CDH18: variants seen among roughly 807,000 people sequenced by gnomAD.
CDH18 encodes cadherin 18, also known as cadherin-18.
In CDH18, 31 loss-of-function variants were observed where a neutral mutation model predicts 67.9. The ratio of observed to expected loss-of-function variants is 0.46; its 90% confidence interval spans 0.34 to 0.62. CDH18 has a LOEUF of 0.62. Ranked by LOEUF, CDH18 falls within the 20% of genes least tolerant of loss-of-function variation. The pLI, the probability that CDH18 is intolerant of heterozygous loss-of-function variation, is 0.01. For synonymous variants in CDH18, 362 were observed against 347.2 expected (o/e 1.04, Z -0.48); for missense variants, 890 against 975.5 (o/e 0.91, Z 1.17).
At chr5:20,169,178 T>C (rs374267430) in intron 2 of CDH18, among the ~76,000 whole-genome samples, 3 of 152,124 alleles carry the variant, frequency 2.0e-5, no homozygotes, top group Non-Finnish European at 4.4e-5. Context: ...CTTGAGGGGA[T>C]GGATACCCCA....
At chr5:19,490,365 T>C (rs953351192) in intron 11 of CDH18, among the ~76,000 whole-genome samples, 1 of 148,870 alleles carries the variant, frequency 6.7e-6, no homozygotes, top group East Asian at 2.0e-4. Context: ...GTTTTTTTTA[T>C]ATATGATATA....
intron 1 of CDH18, among the ~76,000 whole-genome samples, chr5:20,358,870 G>A (rs1157066686): frequency 2.0e-5 from 3 of 151,008 alleles, no homozygotes; most frequent in Non-Finnish European, 2.9e-5. Flanking sequence ...AAATATTCAA[G>A]AAATGTTTGC....
chr5:19,939,681 C>T (rs747009569), intron 2 of CDH18, among the ~76,000 whole-genome samples: 70 of 151,712 alleles, frequency 4.6e-4, no homozygotes, highest in Non-Finnish European at 9.3e-4. Flanking sequence ...TATTTTCTTT[C>T]CATTCTTGAA....
At chr5:20,236,103 A>G (rs1407317386) in intron 2 of CDH18, among the ~76,000 whole-genome samples, 3 of 152,132 alleles carry the variant, frequency 2.0e-5, no homozygotes, top group African/African-American at 7.2e-5. Flanking sequence ...GTAAGTGTTG[A>G]AAATCTACCT....
intron 3 of CDH18, among the ~76,000 whole-genome samples, chr5:19,751,691 G>A (rs570496613): frequency 6.6e-6 from 1 of 152,104 alleles, no homozygotes; most frequent in African/African-American, 2.4e-5. Context: ...CTTGCTAACT[G>A]ATAATATATT....
chr5:19,799,392 C>T lies in CDH18; in HGVS notation c.228+39367G>A, dbSNP rs115940549. Among the ~76,000 whole-genome samples the T allele has an allele frequency of 2.9e-3, 431 of 150,984 alleles. 5 individuals carry two copies. The highest frequency in any genetic ancestry group is 0.01 in the African/African-American group (414 of 41,056). ...TAGTTAACAATATGGTATTGTTCAC[C>T]TTAAAACATGTTAACAGGAATGTTC... On this transcript the variant is annotated intron_variant, in intron 3 of 12. Transcript: ENST00000382275.
chr5:19,988,452 C>G (rs1443723045), upstream of CDH18, among the ~76,000 whole-genome samples: 2 of 152,078 alleles, frequency 1.3e-5, no homozygotes, highest in African/African-American at 4.8e-5. Flanking sequence ...CCTTTAACCC[C>G]CTCAGCAAGG....
At chr5:20,182,909 C>T (rs1737806832) in intron 2 of CDH18, among the ~76,000 whole-genome samples, 1 of 152,054 alleles carries the variant, frequency 6.6e-6, no homozygotes, top group Non-Finnish European at 1.5e-5. Flanking sequence ...TCTCTATACT[C>T]AAGGTCTCTA....
At position 19,920,014 on chromosome 5, in the gene CDH18, T is replaced by A. The variant is rs574710217; in HGVS notation, c.-257+61046A>T. ...GACCAAGGCCTAATAAATTGCAAAA[T>A]CTATATTAATAGATCACTTTATGGC... On this transcript the variant is annotated intron_variant, in intron 2 of 12. Transcript: ENST00000382275. Among the ~76,000 whole-genome samples the A allele has an allele frequency of 1.2e-4, 19 of 152,286 alleles. No individual in the cohort carries two copies. The East Asian group carries it at 3.5e-3, about 28-fold the overall frequency.
intron 1 of CDH18, among the ~76,000 whole-genome samples, chr5:20,566,881 T>C (rs1581211180): frequency 6.6e-6 from 1 of 152,180 alleles, no homozygotes; most frequent in African/African-American, 2.4e-5. Context: ...CAAATAAACA[T>C]AGCTGGCTAT....
At chr5:19,939,842 T>G (rs1794643678) in intron 2 of CDH18, among the ~76,000 whole-genome samples, 1 of 151,940 alleles carries the variant, frequency 6.6e-6, no homozygotes, top group Non-Finnish European at 1.5e-5. Flanking sequence ...CTGGAAAGAC[T>G]CATCAATTTA....
intron 1 of CDH18, among the ~76,000 whole-genome samples, chr5:20,297,374 AAGTTGCT>A (rs1747624639): frequency 6.6e-6 from 1 of 152,222 alleles, no homozygotes. Context: ...CAAGTGGGAA[AAGTTGCT>A]TTTGAATTCA....
chr5:19,938,316 C>T (rs551107194), intron 2 of CDH18, among the ~76,000 whole-genome samples: 2 of 151,148 alleles, frequency 1.3e-5, no homozygotes, highest in African/African-American at 4.8e-5. Context: ...ATCCTTTAGA[C>T]TTCAGACTTC....
At chr5:19,781,793 G>A (rs1298279430) in intron 3 of CDH18, among the ~76,000 whole-genome samples, 2 of 152,086 alleles carry the variant, frequency 1.3e-5, no homozygotes, top group African/African-American at 4.8e-5. Context: ...GAAGATTGGT[G>A]GCAGTCCCTT....
intron 2 of CDH18, among the ~76,000 whole-genome samples, chr5:20,172,220 A>ATATATATATG (rs1481915844): frequency 2.5e-5 from 2 of 79,484 alleles, no homozygotes; most frequent in African/African-American, 1.1e-4. Context: ...ATATATATAT[A>ATATATATATG]TATGTATATA....
intron 1 of CDH18, among the ~76,000 whole-genome samples, chr5:20,297,329 T>C (rs1300929494): frequency 1.3e-5 from 2 of 152,204 alleles, no homozygotes; most frequent in Non-Finnish European, 2.9e-5. Flanking sequence ...ATTGACACAT[T>C]GAGGCCAAGT....
intron 2 of CDH18, among the ~76,000 whole-genome samples, chr5:20,060,273 T>C (rs547781952): frequency 1.1e-3 from 161 of 152,110 alleles, no homozygotes; most frequent in African/African-American, 3.8e-3. Context: ...GGGACCAGCC[T>C]AGCCAACATG....
At chr5:20,278,784 G>A (rs923980812) in intron 1 of CDH18, among the ~76,000 whole-genome samples, 2 of 152,030 alleles carry the variant, frequency 1.3e-5, no homozygotes, top group Admixed American at 6.6e-5. Flanking sequence ...TTGACAGTCT[G>A]ATTGCTTATG....
At chr5:19,506,298 A>G (rs1000508001) in intron 10 of CDH18, among the ~76,000 whole-genome samples, 1 of 152,202 alleles carries the variant, frequency 6.6e-6, no homozygotes, top group Non-Finnish European at 1.5e-5. Flanking sequence ...GCTCATGGGT[A>G]GGAAGAATCA....
Sources: gnomAD v4.1 joint callset for allele counts (sites outside exome capture counted in the v4.1 genomes callset) on GRCh38, gnomAD v4.1.1 for gene constraint, MANE v1.5 for transcripts, NCBI Gene and HGNC (gene_info 2026-07-23, HGNC 2026-07-21) for gene names.